The following ZBTB20 variants were observed in gnomAD, a reference collection of about 807,000 sequenced individuals.
ZBTB20 encodes zinc finger and BTB domain-containing protein 20.
Under a neutral mutation model 56.9 loss-of-function variants are expected in ZBTB20, and 9 were observed. The ratio of observed to expected loss-of-function variants is 0.16; its 90% CI spans 0.10 to 0.28. ZBTB20 has a LOEUF of 0.28. Among genes scored for constraint, ZBTB20 ranks in the 10% least tolerant of loss-of-function variants. ZBTB20 has a pLI of 1.00. For synonymous variants in ZBTB20, 417 were observed against 420.7 expected (o/e 0.99, Z 0.11); for missense variants, 655 against 1,003.0 (o/e 0.65, Z 4.69).
rs938432307 is a variant in ZBTB20 at position 114,332,114 on chromosome 3, G to A, written c.*6891C>T. 39 of 137,730 alleles carry A rather than the reference G, an allele frequency of 2.8e-4. No homozygotes were observed. Among genetic ancestry groups the A allele is most frequent in the African/African-American group, 1.0e-3 (38 of 36,894 alleles). The allele number at this position is 137,730 out of a possible 1,614,324, so 8.5% of individuals were successfully genotyped here. On this transcript the variant is annotated 3_prime_UTR_variant, in exon 12 of 12. Coordinates refer to ENST00000675478, the MANE Select transcript of ZBTB20 (RefSeq NM_001348800.3). ...TTGGATGTATCAAAATCTCATTGAG[G>A]CATTCTAAACCAAAGAAACCTCTGA...
At chr3:115,111,999 C>T (rs1019564414) in intron 1 of ZBTB20, among the ~76,000 whole-genome samples, 3 of 152,014 alleles carry the variant, frequency 2.0e-5, no homozygotes, top group Non-Finnish European at 4.4e-5. Flanking sequence ...ATTGATTCTC[C>T]GATTATTAAA....
At chr3:114,533,751 A>G (rs2048134914) in intron 6 of ZBTB20, among the ~76,000 whole-genome samples, 1 of 152,234 alleles carries the variant, frequency 6.6e-6, no homozygotes, top group African/African-American at 2.4e-5. Context: ...AGGTCAGGTT[A>G]CCCACAAAGG....
chr3:114,555,393 T>A (rs2051078380), intron 6 of ZBTB20, among the ~76,000 whole-genome samples: 1 of 152,054 alleles, frequency 6.6e-6, no homozygotes, highest in South Asian at 2.1e-4. Flanking sequence ...CCTGTCGACA[T>A]CCCAGCATCT....
chr3:114,971,415 A>G (rs2077878066), intron 3 of ZBTB20, among the ~76,000 whole-genome samples: 1 of 152,184 alleles, frequency 6.6e-6, no homozygotes, highest in African/African-American at 2.4e-5. Flanking sequence ...TAGGGAAAGG[A>G]TGACATTTTC....
chr3:114,550,388 A>G (rs2050425156), intron 6 of ZBTB20, among the ~76,000 whole-genome samples: 1 of 152,212 alleles, frequency 6.6e-6, no homozygotes, highest in Non-Finnish European at 1.5e-5. Context: ...TGCATAGAGT[A>G]TATGCACTAG....
chr3:115,091,733 T>TAC (rs1367944440), intron 1 of ZBTB20, among the ~76,000 whole-genome samples: 5 of 150,704 alleles, frequency 3.3e-5, no homozygotes, highest in Admixed American at 6.6e-5. Flanking sequence ...TATATATATA[T>TAC]ACACGAGAAT....
At position 114,380,314 on chromosome 3, in the gene ZBTB20, G is replaced by A; in HGVS notation, c.102C>T (p.Pro34=). Residue 34 remains proline, a synonymous_variant, in exon 10 of 12, where the codon CCC becomes CCT. Transcript: ENST00000675478. The stretch of plus-strand genomic sequence containing the variant: ...ACAAAACAGCTTCAAAGTTCAGGCA[G>A]GGAAGGCCCGGCTTGGCGCTGGATC... ...PGGSSAKPGL[P]CLNFEAVLSP... 6.5e-7 allele frequency: 1 copy of A among 1,537,196 alleles called. No homozygotes were observed. The highest frequency in any genetic ancestry group is 8.7e-7 in the Non-Finnish European group (1 of 1,146,880).
chr3:114,799,778 A>T (rs1365259732), intron 5 of ZBTB20, among the ~76,000 whole-genome samples: 2 of 151,902 alleles, frequency 1.3e-5, no homozygotes, highest in African/African-American at 4.8e-5. Flanking sequence ...ACAAAGTGCC[A>T]AAGTCTCCTT....
chr3:114,552,506 C>T (rs1287675492), intron 6 of ZBTB20, among the ~76,000 whole-genome samples: 1 of 151,700 alleles, frequency 6.6e-6, no homozygotes, highest in Non-Finnish European at 1.5e-5. Flanking sequence ...AGAAAAGTTA[C>T]AGAAACTTGG....
intron 6 of ZBTB20, among the ~76,000 whole-genome samples, chr3:114,542,508 A>C (rs2049235960): frequency 6.6e-6 from 1 of 152,164 alleles, no homozygotes; most frequent in Admixed American, 6.6e-5. Flanking sequence ...GATTATCCTC[A>C]TTTGGGAGGA....
chr3:114,627,373 T>C (rs1378856735), intron 6 of ZBTB20, among the ~76,000 whole-genome samples: 1 of 152,226 alleles, frequency 6.6e-6, no homozygotes, highest in Non-Finnish European at 1.5e-5. Context: ...TTTTACCTAA[T>C]TCATTAGCCT....
rs544536245 is a variant in ZBTB20, at chr3:114,319,417, G to C, written c.*19588C>G. ...AAGATGCAAAACATTTACTGTATTA[G>C]GATTGTGAAGTTACAGCCACTCCCA... On this transcript the variant is annotated 3_prime_UTR_variant, in exon 12 of 12. Transcript: ENST00000675478. 1 of 151,984 alleles carries C rather than the reference G, an allele frequency of 6.6e-6. No homozygotes were observed. Among genetic ancestry groups the C allele is most frequent in the East Asian group, 1.9e-4 (1 of 5,186 alleles). The allele number at this position is 151,984 out of a possible 1,614,324, so 9.4% of individuals were successfully genotyped here.
At chr3:114,557,615 T>C (rs910777607) in intron 6 of ZBTB20, among the ~76,000 whole-genome samples, 2 of 151,980 alleles carry the variant, frequency 1.3e-5, no homozygotes, top group African/African-American at 4.8e-5. Flanking sequence ...CCCTGAACTC[T>C]AATGCAGTTT....
chr3:114,349,901 C>T (rs1560109894), intron 11 of ZBTB20, among the ~76,000 whole-genome samples: 1 of 152,170 alleles, frequency 6.6e-6, no homozygotes, highest in Non-Finnish European at 1.5e-5. Context: ...AGTAGCTAAG[C>T]CTGAATTTAC....
At chr3:114,942,210 G>A (rs1315936645) in intron 3 of ZBTB20, among the ~76,000 whole-genome samples, 1 of 145,512 alleles carries the variant, frequency 6.9e-6, no homozygotes, top group Non-Finnish European at 1.5e-5. Flanking sequence ...ATGTAATCAT[G>A]TAAATTACAA....
At chr3:115,052,053 G>C (rs1381544583) in intron 2 of ZBTB20, among the ~76,000 whole-genome samples, 2 of 151,876 alleles carry the variant, frequency 1.3e-5, no homozygotes, top group Non-Finnish European at 2.9e-5. Flanking sequence ...CCAACATTGG[G>C]GATTAAAATA....
chr3:115,122,687 C>T (rs1017788781), intron 1 of ZBTB20, among the ~76,000 whole-genome samples: 1 of 152,024 alleles, frequency 6.6e-6, no homozygotes, highest in Non-Finnish European at 1.5e-5. Flanking sequence ...TATATTAATC[C>T]TATTCTTCAT....
intron 2 of ZBTB20, among the ~76,000 whole-genome samples, chr3:115,061,197 T>C (rs2081999404): frequency 6.6e-6 from 1 of 152,102 alleles, no homozygotes; most frequent in Non-Finnish European, 1.5e-5. Flanking sequence ...TCTTGGAGCA[T>C]GGTGATTATT....
chr3:114,376,757 A>G (rs751934761), intron 10 of ZBTB20, among the ~76,000 whole-genome samples: 5 of 152,350 alleles, frequency 3.3e-5, no homozygotes, highest in Non-Finnish European at 4.4e-5. Context: ...AGACACAAAA[A>G]ATGAGACAGT....
Sources: allele counts gnomAD v4.1 joint callset (sites outside exome capture counted in the v4.1 genomes callset), GRCh38; gene constraint gnomAD v4.1.1; transcripts MANE v1.5; gene names NCBI Gene and HGNC (gene_info 2026-07-23, HGNC 2026-07-21).